The following ITPK1 variants were observed in gnomAD, a reference collection of about 807,000 sequenced individuals.
The protein encoded by ITPK1 is inositol-tetrakisphosphate 1-kinase, also known as inositol 1,3,4-trisphosphate 5/6-kinase.
A neutral mutation model predicts 45.3 loss-of-function variants in ITPK1; 21 were observed. The ratio of observed to expected loss-of-function variants is 0.46; its 90% CI spans 0.33 to 0.67. The LOEUF is 0.67. ITPK1 is among the 30% of genes least tolerant of loss of function. The pLI is 0.02. For synonymous variants in ITPK1, 258 were observed against 253.6 expected (o/e 1.02, Z -0.16); for missense variants, 474 against 573.5 (o/e 0.83, Z 1.77).
At chr14:93,052,672 C>T (rs1055098269) in intron 3 of ITPK1, among the ~76,000 whole-genome samples, 1 of 152,164 alleles carries the variant, frequency 6.6e-6, no homozygotes, top group Non-Finnish European at 1.5e-5. Flanking sequence ...TTCTGGCTCA[C>T]TCTATATTCA....
chr14:93,062,752 G>A (rs1018421891), intron 3 of ITPK1, among the ~76,000 whole-genome samples: 4 of 152,122 alleles, frequency 2.6e-5, no homozygotes, highest in African/African-American at 7.2e-5. Context: ...CCAGTGTGAG[G>A]GGCTGCAGGG....
chr14:93,016,589 C>G lies in ITPK1; in HGVS notation c.246+87G>C. 6.9e-7 allele frequency: 1 copy of G among 1,450,058 alleles called. No homozygotes were observed. Among genetic ancestry groups the G allele is most frequent in the Non-Finnish European group, 9.5e-7 (1 of 1,051,226 alleles). The allele number at this position is 1,450,058 out of a possible 1,614,324, so 89.8% of individuals were successfully genotyped here. ...GACTATACCTCCAGAGAGCTGCTAC[C>G]GCCCTAAATACACACACGGCCATTC... On this transcript the variant is annotated intron_variant, in intron 4 of 10. Coordinates refer to ENST00000267615, the MANE Select transcript of ITPK1 (RefSeq NM_014216.6). The surrounding 1 kb of genome is among the most constrained non-coding windows in gnomAD (Gnocchi z 5.0).
chr14:93,050,412 C>G (rs1390261155), intron 3 of ITPK1, among the ~76,000 whole-genome samples: 1 of 152,166 alleles, frequency 6.6e-6, no homozygotes, highest in East Asian at 1.9e-4. Context: ...ATAAGTGATT[C>G]ACTCTTGAGT....
chr14:93,103,099 C>CAAAAAAAAA (rs71123389), intron 2 of ITPK1, among the ~76,000 whole-genome samples: 1 of 68,870 alleles, frequency 1.5e-5, no homozygotes, highest in Non-Finnish European at 2.8e-5. Flanking sequence ...GACTCCATCT[C>CAAAAAAAAA]AAAAAAAAAA....
intron 9 of ITPK1, 147 bp from the exon 10 acceptor site, chr14:92,946,640 C>T (rs1359961251): frequency 2.6e-5 from 20 of 783,546 alleles, no homozygotes; most frequent in Non-Finnish European, 3.5e-5. Flanking sequence ...GAGCACGGGG[C>T]GGCCACTGGC....
At chr14:92,994,842 T>G (rs1886970128) in intron 4 of ITPK1, among the ~76,000 whole-genome samples, 1 of 152,136 alleles carries the variant, frequency 6.6e-6, no homozygotes, top group African/African-American at 2.4e-5. Flanking sequence ...CCCTTCAGCA[T>G]TTGTGAACGT....
intron 9 of ITPK1, among the ~76,000 whole-genome samples, chr14:92,951,122 C>T (rs1186191209): frequency 1.3e-5 from 2 of 152,254 alleles, no homozygotes; most frequent in Admixed American, 1.3e-4. Flanking sequence ...AGCAAAGCCC[C>T]CCAGAAGAGC....
rs558128082 is a variant in ITPK1, at chr14:93,089,554, T to C, written c.96-12935A>G. On this transcript the variant is annotated intron_variant, in intron 2 of 10. Coordinates refer to ENST00000267615, the MANE Select transcript of ITPK1 (RefSeq NM_014216.6). The stretch of plus-strand genomic sequence containing the variant: ...AGAGGCCAATCTGTGGGGAAGGCAG[T>C]AGGGCTAATGTTTTAGGAGCCCTAC... Among the ~76,000 whole-genome samples the C allele has an allele frequency of 8.5e-5, 13 of 152,188 alleles. No individual in the cohort carries two copies. The East Asian group carries it at 2.5e-3, about 29-fold the overall frequency.
intron 5 of ITPK1, among the ~76,000 whole-genome samples, chr14:92,990,688 C>A (rs72704301): frequency 0.074 from 11,199 of 152,236 alleles, 572 homozygotes; most frequent in Middle Eastern, 0.11. Context: ...GAGCTCCCAG[C>A]AGCAGGCCTC....
At chr14:92,997,988 A>T (rs1034303351) in intron 4 of ITPK1, among the ~76,000 whole-genome samples, 1 of 152,200 alleles carries the variant, frequency 6.6e-6, no homozygotes, top group Non-Finnish European at 1.5e-5. Flanking sequence ...TTCCTCCTCG[A>T]TCCTCACAGG....
chr14:92,969,008 T>G (rs973429956), intron 5 of ITPK1, among the ~76,000 whole-genome samples: 1 of 152,154 alleles, frequency 6.6e-6, no homozygotes, highest in African/African-American at 2.4e-5. Context: ...CCGCTCGGGT[T>G]GCTGGGCATG....
Position 93,034,674 on chromosome 14 carries a change from C to T in ITPK1, c.121-17873G>A, listed in dbSNP as rs116559425. ...GGCTAAGTGGGCACATAATGACCCACCAAGCAAGGGAGAAGCAGACACTGA... is the reference window on the plus strand; with the variant it reads ...GGCTAAGTGGGCACATAATGACCCATCAAGCAAGGGAGAAGCAGACACTGA... On this transcript the variant is annotated intron_variant, in intron 3 of 10. Transcript: ENST00000267615. This position sits in a 1 kb window ranked among gnomAD's most constrained non-coding sequence, Gnocchi z 4.1. Among the ~76,000 whole-genome samples the T allele has an allele frequency of 3.8e-3, 583 of 152,354 alleles. 1 individual carries two copies. The highest frequency in any genetic ancestry group is 0.013 in the African/African-American group (544 of 41,580).
intron 2 of ITPK1, among the ~76,000 whole-genome samples, chr14:93,096,631 C>G (rs1022578492): frequency 6.6e-6 from 1 of 152,202 alleles, no homozygotes. Flanking sequence ...CCCAGCAGCA[C>G]AAGGAGAAGG....
intron 3 of ITPK1, chr14:93,070,749 A>G (rs757413360): frequency 6.6e-6 from 1 of 152,576 alleles, no homozygotes; most frequent in Non-Finnish European, 1.5e-5. Flanking sequence ...CATCACAGAG[A>G]GTTGAAGGGG....
At chr14:92,978,161 A>G (rs1251713918) in intron 5 of ITPK1, among the ~76,000 whole-genome samples, 2 of 151,954 alleles carry the variant, frequency 1.3e-5, no homozygotes, top group Non-Finnish European at 2.9e-5. Flanking sequence ...AGAGACTGGC[A>G]TATTGTGTCC....
chr14:92,942,478 C>T (rs1161534260), intron 10 of ITPK1, among the ~76,000 whole-genome samples: 2 of 152,202 alleles, frequency 1.3e-5, no homozygotes, highest in African/African-American at 4.8e-5. Flanking sequence ...TGAGTGGTGT[C>T]TGCTTCACAA....
rs796477698 is a variant in ITPK1, at chr14:93,087,189, G to A, written c.96-10570C>T. 2.4e-4 allele frequency among the ~76,000 whole-genome samples: 37 copies of A among 152,340 alleles called. 1 individual carries two copies. The highest frequency in any genetic ancestry group is 8.4e-4 in the African/African-American group (35 of 41,574). ...GCTCCAGGGAGAAATCGATTCCTCC[G>A]CTTTCTCTAGTTCTAAAGGCTGTCC... On this transcript the variant is annotated intron_variant, in intron 2 of 10. Coordinates refer to ENST00000267615, the MANE Select transcript of ITPK1 (RefSeq NM_014216.6).
chr14:93,086,814 G>A (rs745508913), intron 2 of ITPK1, among the ~76,000 whole-genome samples: 22 of 152,168 alleles, frequency 1.4e-4, no homozygotes, highest in Non-Finnish European at 2.9e-4. Context: ...GTTTCCTGGG[G>A]CCCCCCAGCC....
chr14:92,962,707 G>T (rs371382615), intron 6 of ITPK1, 44 bp downstream of exon 6: 2 of 1,419,170 alleles, frequency 1.4e-6, no homozygotes, highest in Non-Finnish European at 2.0e-6. Flanking sequence ...GCTGGCCTGC[G>T]GTCTACAGCG....
Sources: allele counts gnomAD v4.1 joint callset (sites outside exome capture counted in the v4.1 genomes callset), GRCh38; gene constraint gnomAD v4.1.1; non-coding constraint Gnocchi (gnomAD v3.1); transcripts MANE v1.5; gene names NCBI Gene and HGNC (gene_info 2026-07-23, HGNC 2026-07-21).